Variants in HSD17B12 observed in about 807,000 individuals in gnomAD.
HSD17B12 encodes the protein very-long-chain 3-oxoacyl-CoA reductase.
In HSD17B12, 32 loss-of-function variants were observed where a neutral mutation model predicts 39.3. The observed-to-expected ratio is 0.81, with a 90% CI of 0.61 to 1.09. The LOEUF (loss-of-function observed/expected upper bound fraction) is 1.09, where lower values mean the gene tolerates loss of function less well. Ranked by LOEUF, HSD17B12 falls within the 50% of genes least tolerant of loss-of-function variation. The pLI, the probability that HSD17B12 is intolerant of heterozygous loss-of-function variation, is 0.00. For missense variants in HSD17B12, 342 were observed against 382.9 expected, an observed-to-expected ratio of 0.89 and a Z score of 0.89; for synonymous variants, 150 against 146.7, an observed-to-expected ratio of 1.02 and a Z score of -0.16.
Position 43,781,921 on chromosome 11 carries a change from TA to T in HSD17B12, c.284-16397del, listed in dbSNP as rs1211730490. 2.0e-5 allele frequency among the ~76,000 whole-genome samples: 3 copies of T among 152,228 alleles called. No individual in the cohort carries two copies. The East Asian group carries it at 5.8e-4, about 29-fold the overall frequency. ...TACTATTTTAAATTATTCCAGAGACTAATGGTATTATATGTGTGTATGTTAC... is the reference window on the plus strand; with the variant it reads ...TACTATTTTAAATTATTCCAGAGACTATGGTATTATATGTGTGTATGTTAC... On this transcript the variant is annotated intron_variant, in intron 3 of 10. Transcript: ENST00000278353.
chr11:43,648,315 A>G, the HSD17B12 span, among the ~76,000 whole-genome samples: 1 of 152,018 alleles, frequency 6.6e-6, no homozygotes, highest in Non-Finnish European at 1.5e-5. Context: ...CATTCTTGTC[A>G]TATTTCATTT....
At chr11:43,817,056 A>C (rs554531500) in intron 6 of HSD17B12, among the ~76,000 whole-genome samples, 13 of 137,674 alleles carry the variant, frequency 9.4e-5, no homozygotes, top group South Asian at 6.6e-4. Flanking sequence ...ATATATATAT[A>C]TATCTCGTGG....
chr11:43,761,338 A>G (rs984424454), intron 3 of HSD17B12, among the ~76,000 whole-genome samples: 2 of 152,234 alleles, frequency 1.3e-5, no homozygotes, highest in Non-Finnish European at 2.9e-5. Context: ...GTTGTAGAAT[A>G]TTTGGCCATT....
At chr11:43,675,433 C>T in the HSD17B12 span, among the ~76,000 whole-genome samples, 1 of 152,050 alleles carries the variant, frequency 6.6e-6, no homozygotes, top group Non-Finnish European at 1.5e-5. Flanking sequence ...ATGAAATTGA[C>T]TTATTTGAGG....
chr11:43,730,171 G>T (rs762054741), intron 1 of HSD17B12, among the ~76,000 whole-genome samples: 3 of 152,058 alleles, frequency 2.0e-5, no homozygotes, highest in African/African-American at 7.2e-5. Context: ...TGAAACTAAG[G>T]CTCAGAAATA....
At chr11:43,761,311 G>T (rs1472046423) in intron 3 of HSD17B12, among the ~76,000 whole-genome samples, 1 of 152,142 alleles carries the variant, frequency 6.6e-6, no homozygotes, top group Non-Finnish European at 1.5e-5. Flanking sequence ...TAAAATAAAA[G>T]AACTCAATAA....
At chr11:43,695,743 C>T (rs998831349) in intron 1 of HSD17B12, among the ~76,000 whole-genome samples, 2 of 151,930 alleles carry the variant, frequency 1.3e-5, no homozygotes, top group Non-Finnish European at 2.9e-5. Flanking sequence ...TTAGGTTCTA[C>T]CAGAAGAAAT....
intron 3 of HSD17B12, among the ~76,000 whole-genome samples, chr11:43,757,618 C>T (rs1391670050): frequency 1.0e-5 from 1 of 97,716 alleles, no homozygotes; most frequent in Admixed American, 1.8e-4. Flanking sequence ...CCGGCCTGGG[C>T]GACAGAGCGA....
chr11:43,588,039 T>C, the HSD17B12 span, among the ~76,000 whole-genome samples: 2 of 152,172 alleles, frequency 1.3e-5, no homozygotes, highest in African/African-American at 4.8e-5. Flanking sequence ...CAGACATGGA[T>C]AGGTCTGTGT....
chr11:43,659,822 G>A, the HSD17B12 span, among the ~76,000 whole-genome samples: 47,786 of 152,008 alleles, frequency 0.31, 7,728 homozygotes, highest in African/African-American at 0.36. Context: ...GCCAAAGATG[G>A]CCTGGATGTT....
intron 3 of HSD17B12, among the ~76,000 whole-genome samples, chr11:43,764,380 T>G (rs545784009): frequency 5.9e-5 from 9 of 152,194 alleles, no homozygotes; most frequent in African/African-American, 1.9e-4. Flanking sequence ...TAATTTTGAG[T>G]TTTTTTCTTC....
chr11:43,830,308 G>T (rs1434923233), intron 6 of HSD17B12: 1 of 152,086 alleles, frequency 6.6e-6, no homozygotes, highest in Non-Finnish European at 1.5e-5. Context: ...AACTTTTCTT[G>T]GTTAATAATA....
chr11:43,682,491 G>A (rs1201697959), intron 1 of HSD17B12, among the ~76,000 whole-genome samples: 1 of 138,968 alleles, frequency 7.2e-6, no homozygotes, highest in Non-Finnish European at 1.5e-5. Flanking sequence ...GCAGTGAGCC[G>A]AGATCATGCC....
chr11:43,618,525 T>G, the HSD17B12 span, among the ~76,000 whole-genome samples: 1 of 152,206 alleles, frequency 6.6e-6, no homozygotes, highest in South Asian at 2.1e-4. Context: ...GTGCTCTACA[T>G]ATTTGTTTAA....
the HSD17B12 span, among the ~76,000 whole-genome samples, chr11:43,636,745 T>C: frequency 1.3e-5 from 2 of 152,230 alleles, no homozygotes; most frequent in East Asian, 3.8e-4. Context: ...TCTTCACAAC[T>C]CTATAGATAT....
chr11:43,677,086 A>T (rs1342975908), upstream of HSD17B12, among the ~76,000 whole-genome samples: 1 of 152,068 alleles, frequency 6.6e-6, no homozygotes, highest in Non-Finnish European at 1.5e-5. Flanking sequence ...TGTCAGCTCG[A>T]CTCACATGGC....
the HSD17B12 span, among the ~76,000 whole-genome samples, chr11:43,657,013 C>T: frequency 6.6e-6 from 1 of 152,006 alleles, no homozygotes; most frequent in African/African-American, 2.4e-5. Flanking sequence ...TTAAAGTCTC[C>T]CATTATTATT....
intron 1 of HSD17B12, among the ~76,000 whole-genome samples, chr11:43,710,140 C>T (rs1950051351): frequency 6.6e-6 from 1 of 152,198 alleles, no homozygotes; most frequent in African/African-American, 2.4e-5. Context: ...AAACAGTAAA[C>T]AGAGGCTTTC....
At chr11:43,737,780 AG>A (rs1387665324) in intron 1 of HSD17B12, among the ~76,000 whole-genome samples, 2 of 152,228 alleles carry the variant, frequency 1.3e-5, no homozygotes, top group African/African-American at 2.4e-5. Flanking sequence ...AGACAAGAAT[AG>A]TGAACTGTCC....
Sources: gnomAD v4.1 joint callset for allele counts (sites outside exome capture counted in the v4.1 genomes callset) on GRCh38, gnomAD v4.1.1 for gene constraint, MANE v1.5 for transcripts, NCBI Gene and HGNC (gene_info 2026-07-23, HGNC 2026-07-21) for gene names.